Variants in VAV2 observed in about 807,000 individuals in gnomAD.
The protein encoded by VAV2 is vav guanine nucleotide exchange factor 2, also known as guanine nucleotide exchange factor VAV2.
A neutral mutation model predicts 132.5 loss-of-function variants in VAV2; 67 were observed. The observed-to-expected ratio is 0.51, with a 90% CI of 0.42 to 0.62. The LOEUF is 0.62. VAV2 is among the 20% of genes least tolerant of loss of function. The pLI is 0.00. For synonymous variants in VAV2, 492 were observed against 443.5 expected (o/e 1.11, Z -1.37); for missense variants, 938 against 1,153.6 (o/e 0.81, Z 2.71).
intron 3 of VAV2, among the ~76,000 whole-genome samples, chr9:133,858,165 C>G (rs1318074366): frequency 6.6e-6 from 1 of 152,170 alleles, no homozygotes; most frequent in Non-Finnish European, 1.5e-5. Flanking sequence ...CGGATAAGAG[C>G]GTCTTTGTAT....
intron 2 of VAV2, among the ~76,000 whole-genome samples, chr9:133,891,351 AG>A (rs1838928154): frequency 5.4e-5 from 1 of 18,668 alleles, no homozygotes; most frequent in Non-Finnish European, 9.3e-5. Flanking sequence ...GAAGGGATGA[AG>A]GGGGAGGGAT....
At chr9:133,851,888 CATGGATGGATGG>C (rs1179958105) in intron 3 of VAV2, among the ~76,000 whole-genome samples, 5 of 106,726 alleles carry the variant, frequency 4.7e-5, no homozygotes, top group Non-Finnish European at 7.6e-5. Flanking sequence ...TGGATGGATG[CATGGATGGATGG>C]ATGGATGGGT....
intron 1 of VAV2, among the ~76,000 whole-genome samples, chr9:133,962,594 A>G (rs1290253682): frequency 6.6e-6 from 1 of 152,106 alleles, no homozygotes; most frequent in Non-Finnish European, 1.5e-5. Context: ...CAGCTCTCCA[A>G]GCACAGTTAG....
intron 1 of VAV2, among the ~76,000 whole-genome samples, chr9:133,967,933 CAAAAAA>C (rs34152925): frequency 7.0e-5 from 5 of 71,358 alleles, no homozygotes; most frequent in African/African-American, 5.8e-5. Context: ...ACTCTATAAC[CAAAAAA>C]AAAAAAAAAA....
intron 18 of VAV2, among the ~76,000 whole-genome samples, chr9:133,783,860 A>G (rs1319811977): frequency 6.8e-6 from 1 of 146,124 alleles, no homozygotes; most frequent in East Asian, 2.0e-4. Flanking sequence ...CTGAAACTCT[A>G]AGGGCTTGGC....
chr9:133,770,250 CG>C, intron 27 of VAV2, 127 bp downstream of exon 27: 4 of 1,427,776 alleles, frequency 2.8e-6, no homozygotes. Flanking sequence ...GGGGGAGGGG[CG>C]GGGGCTGTGT....
chr9:133,924,953 A>G (rs997813493), intron 2 of VAV2, among the ~76,000 whole-genome samples: 2 of 152,264 alleles, frequency 1.3e-5, no homozygotes, highest in African/African-American at 4.8e-5. Flanking sequence ...GCTCAGTGCA[A>G]GAAGCCGACG....
rs540867027 is a variant in VAV2 at position 133,961,283 on chromosome 9, A to G, written c.205-22064T>C. On this transcript the variant is annotated intron_variant, in intron 1 of 29. Coordinates refer to ENST00000371850, the MANE Select transcript of VAV2 (RefSeq NM_001134398.2). This position sits in a 1 kb window ranked among gnomAD's most constrained non-coding sequence, Gnocchi z 4.1. ...CACTCTCAGAGCAGACCTCCCAGGG[A>G]CCCCCGGCCAGGACTCAAGCCGGCC... 6.6e-6 allele frequency among the ~76,000 whole-genome samples: 1 copy of G among 151,796 alleles called. No individual in the cohort carries two copies. The highest frequency in any genetic ancestry group is 2.1e-4 in the South Asian group (1 of 4,782).
intron 17 of VAV2, among the ~76,000 whole-genome samples, chr9:133,784,661 G>C (rs1834146854): frequency 6.6e-6 from 1 of 152,256 alleles, no homozygotes; most frequent in Non-Finnish European, 1.5e-5. Context: ...AACCTTCCAG[G>C]TGGGGACGGT....
rs1250779381 is a variant in VAV2, at chr9:133,804,793, G to C, written c.836+1288C>G. On this transcript the variant is annotated intron_variant, in intron 9 of 29. Transcript: ENST00000371850. The surrounding 1 kb of genome is among the most constrained non-coding windows in gnomAD (Gnocchi z 4.5). ...CACCTTGCTGAGGGCAGGTTAGGGA[G>C]CTGTCCTCCCCCGATCCCTGCCCAC... Among the ~76,000 whole-genome samples, 1 of 152,216 alleles carries C rather than the reference G, an allele frequency of 6.6e-6. No homozygotes were observed. The highest frequency in any genetic ancestry group is 2.4e-5 in the African/African-American group (1 of 41,454).
intron 2 of VAV2, among the ~76,000 whole-genome samples, chr9:133,901,574 G>A (rs1839443937): frequency 6.6e-6 from 1 of 152,236 alleles, no homozygotes; most frequent in African/African-American, 2.4e-5. Flanking sequence ...TTGCCAGAGA[G>A]CCCACATGGG....
At chr9:133,944,312 G>A (rs926035331) in intron 1 of VAV2, among the ~76,000 whole-genome samples, 7 of 152,152 alleles carry the variant, frequency 4.6e-5, no homozygotes, top group African/African-American at 1.4e-4. Flanking sequence ...GGCCTGCCTC[G>A]CCCTCCAGAG....
At position 133,857,172 on chromosome 9, in the gene VAV2, G is replaced by C. The variant is rs530225154; in HGVS notation, c.380+4202C>G. On this transcript the variant is annotated intron_variant, in intron 3 of 29. Coordinates refer to ENST00000371850, the MANE Select transcript of VAV2 (RefSeq NM_001134398.2). The surrounding 1 kb of genome is among the most constrained non-coding windows in gnomAD (Gnocchi z 4.0). ...CTTCACCATCTCCTCCCTCCCAGCC[G>C]TTCAGAGCTGTGATGACCCCAAATT... Among the ~76,000 whole-genome samples, 1 of 152,034 alleles carries C rather than the reference G, an allele frequency of 6.6e-6. No homozygotes were observed. The highest frequency in any genetic ancestry group is 1.9e-4 in the East Asian group (1 of 5,176).
chr9:133,788,800 C>G lies in VAV2; in HGVS notation c.1275-314G>C, dbSNP rs1157003405. Reference sequence around the variant, plus strand: ...CCCCCGACGGCTACTCCCAGTTGATCCCGCGCTGGACTGGGAGCCTCAAGA... The same window carrying G: ...CCCCCGACGGCTACTCCCAGTTGATGCCGCGCTGGACTGGGAGCCTCAAGA... On this transcript the variant is annotated intron_variant, in intron 14 of 29. Coordinates refer to ENST00000371850, the MANE Select transcript of VAV2 (RefSeq NM_001134398.2). The surrounding 1 kb of genome is among the most constrained non-coding windows in gnomAD (Gnocchi z 5.3). Among the ~76,000 whole-genome samples, 1 of 152,186 alleles carries G rather than the reference C, an allele frequency of 6.6e-6. No homozygotes were observed. Among genetic ancestry groups the G allele is most frequent in the Non-Finnish European group, 1.5e-5 (1 of 68,026 alleles).
intron 4 of VAV2, among the ~76,000 whole-genome samples, chr9:133,817,717 C>A (rs981413590): frequency 6.6e-6 from 1 of 152,234 alleles, no homozygotes; most frequent in Non-Finnish European, 1.5e-5. Flanking sequence ...GCTGATCCAG[C>A]GAGTAGAGTG....
At chr9:133,939,814 G>A (rs1011482477) in intron 1 of VAV2, among the ~76,000 whole-genome samples, 1 of 152,240 alleles carries the variant, frequency 6.6e-6, no homozygotes, top group Non-Finnish European at 1.5e-5. Flanking sequence ...CCCCCAAGAA[G>A]CCACGGAGGA....
At chr9:133,875,350 G>A (rs1035437362) in intron 2 of VAV2, among the ~76,000 whole-genome samples, 3 of 152,170 alleles carry the variant, frequency 2.0e-5, no homozygotes, top group Non-Finnish European at 2.9e-5. Flanking sequence ...CCACAGCCCC[G>A]GGGAGCTATC....
chr9:133,978,195 T>A (rs1045318906), intron 1 of VAV2, among the ~76,000 whole-genome samples: 2 of 152,202 alleles, frequency 1.3e-5, no homozygotes, highest in African/African-American at 4.8e-5. Context: ...GGCCAGAGGA[T>A]GCTGGTCCCA....
At chr9:133,874,389 A>C (rs1003656913) in intron 2 of VAV2, among the ~76,000 whole-genome samples, 3 of 152,056 alleles carry the variant, frequency 2.0e-5, no homozygotes, top group Non-Finnish European at 4.4e-5. Context: ...TCCCCTGTCC[A>C]CCAGGAAAAA....
Sources: gnomAD v4.1 joint callset for allele counts (sites outside exome capture counted in the v4.1 genomes callset) on GRCh38, gnomAD v4.1.1 for gene constraint, Gnocchi (gnomAD v3.1) non-coding constraint, MANE v1.5 for transcripts, NCBI Gene and HGNC (gene_info 2026-07-23, HGNC 2026-07-21) for gene names.